Variants in LRP1B observed in about 807,000 individuals in gnomAD.
LRP1B encodes the protein LDL receptor related protein 1B.
Under a neutral mutation model 556.6 loss-of-function variants are expected in LRP1B, and 217 were observed. That is an observed-to-expected ratio of 0.39 (90% confidence interval 0.35 to 0.44). LRP1B has a LOEUF of 0.44. LRP1B is among the 20% of genes least tolerant of loss of function. The pLI is 1.00. For missense variants in LRP1B, 5,053 were observed against 5,620.8 expected (o/e 0.90, Z 3.23); for synonymous variants, 2,047 against 1,865.8 (o/e 1.10, Z -2.50).
chr2:141,509,156 C>A (rs1684033861), intron 2 of LRP1B, among the ~76,000 whole-genome samples: 1 of 152,112 alleles, frequency 6.6e-6, no homozygotes, highest in Admixed American at 6.6e-5. Flanking sequence ...GATACTTCCT[C>A]AAGCAAGAAA....
chr2:141,340,029 A>T (rs894402336), intron 3 of LRP1B, among the ~76,000 whole-genome samples: 1 of 152,160 alleles, frequency 6.6e-6, no homozygotes, highest in Admixed American at 6.6e-5. Context: ...AGTGAGAGAG[A>T]CATAGTTTAA....
intron 1 of LRP1B, among the ~76,000 whole-genome samples, chr2:141,970,890 C>G (rs1378332433): frequency 8.6e-5 from 13 of 151,546 alleles, no homozygotes; most frequent in Non-Finnish European, 3.0e-5. Context: ...TGACCACAGT[C>G]TTTTTCTGCT....
At chr2:141,044,897 T>A (rs1698820715) in intron 11 of LRP1B, among the ~76,000 whole-genome samples, 1 of 151,546 alleles carries the variant, frequency 6.6e-6, no homozygotes, top group Admixed American at 6.6e-5. Context: ...AAATACCATT[T>A]GACCCAGCCA....
chr2:140,965,089 T>C (rs1227681541), intron 18 of LRP1B, among the ~76,000 whole-genome samples: 1 of 152,212 alleles, frequency 6.6e-6, no homozygotes, highest in Non-Finnish European at 1.5e-5. Flanking sequence ...GAACAGGTTT[T>C]AAAAATTACC....
chr2:141,620,729 T>C (rs1331114531), intron 2 of LRP1B, among the ~76,000 whole-genome samples: 1 of 152,128 alleles, frequency 6.6e-6, no homozygotes, highest in African/African-American at 2.4e-5. Flanking sequence ...TCTCTGACTC[T>C]GTTTTTACCA....
chr2:141,347,319 T>C (rs1486180174), intron 3 of LRP1B, among the ~76,000 whole-genome samples: 1 of 151,924 alleles, frequency 6.6e-6, no homozygotes, highest in Non-Finnish European at 1.5e-5. Flanking sequence ...ACAAAAAAAA[T>C]CAATAGAAAT....
chr2:141,980,362 A>G (rs1438344726), intron 1 of LRP1B, among the ~76,000 whole-genome samples: 3 of 152,152 alleles, frequency 2.0e-5, no homozygotes, highest in Non-Finnish European at 4.4e-5. Flanking sequence ...GCTTTGCACA[A>G]TTACGTGGGT....
At chr2:140,459,637 G>A (rs1687236408) in intron 60 of LRP1B, among the ~76,000 whole-genome samples, 1 of 152,170 alleles carries the variant, frequency 6.6e-6, no homozygotes, top group African/African-American at 2.4e-5. Context: ...GCCAGCGGGA[G>A]AGGCAATTTA....
chr2:141,928,141 C>T (rs968993829), intron 1 of LRP1B, among the ~76,000 whole-genome samples: 1 of 152,134 alleles, frequency 6.6e-6, no homozygotes, highest in African/African-American at 2.4e-5. Flanking sequence ...TGCAGCAGCC[C>T]AAACATGCCC....
chr2:140,256,921 G>A (rs1681721329), intron 86 of LRP1B, among the ~76,000 whole-genome samples: 1 of 151,698 alleles, frequency 6.6e-6, no homozygotes, highest in Admixed American at 6.6e-5. Flanking sequence ...AATTTAAAAA[G>A]TGTATATGGC....
intron 1 of LRP1B, among the ~76,000 whole-genome samples, chr2:142,070,532 C>A (rs1260023039): frequency 6.6e-6 from 1 of 151,864 alleles, no homozygotes; most frequent in Non-Finnish European, 1.5e-5. Flanking sequence ...ATCCAACCAG[C>A]ACCTGGACTC....
intron 1 of LRP1B, among the ~76,000 whole-genome samples, chr2:142,076,232 A>G (rs1223331847): frequency 6.6e-6 from 1 of 152,120 alleles, no homozygotes; most frequent in Non-Finnish European, 1.5e-5. Context: ...GATGTGGACC[A>G]CAATATGTTC....
intron 32 of LRP1B, 65 bp downstream of exon 32, chr2:140,813,592 C>A (rs2105035601): frequency 2.8e-6 from 4 of 1,438,716 alleles, no homozygotes; most frequent in Non-Finnish European, 2.9e-6. Context: ...AAGCTTTTAA[C>A]AGGTCATAAT....
At chr2:141,123,212 A>G (rs10928096) in intron 7 of LRP1B, among the ~76,000 whole-genome samples, 41,823 of 147,778 alleles carry the variant, frequency 0.28, 6,117 homozygotes, top group East Asian at 0.47. Flanking sequence ...TGCACATTGT[A>G]CACATGTACC....
chr2:140,382,183 T>TA (rs1573870489), intron 67 of LRP1B, among the ~76,000 whole-genome samples: 1 of 152,296 alleles, frequency 6.6e-6, no homozygotes, highest in East Asian at 1.9e-4. Context: ...AGAATACAAT[T>TA]AGTATAACTT....
At chr2:141,931,103 T>C (rs1265117019) in intron 1 of LRP1B, among the ~76,000 whole-genome samples, 1 of 152,068 alleles carries the variant, frequency 6.6e-6, no homozygotes. Context: ...TTAGAATACA[T>C]ACACATTCTA....
chr2:141,056,624 T>C (rs2105458630), intron 9 of LRP1B, among the ~76,000 whole-genome samples: 1 of 152,014 alleles, frequency 6.6e-6, no homozygotes, highest in East Asian at 2.0e-4. Context: ...AGTCTCTTCT[T>C]TTGGTTTTTC....
chr2:141,965,618 G>C (rs1395949925), intron 1 of LRP1B, among the ~76,000 whole-genome samples: 43 of 95,680 alleles, frequency 4.5e-4, no homozygotes, highest in African/African-American at 1.7e-3. Flanking sequence ...AGGGGGGAGG[G>C]ATAGCATTGG....
chr2:142,030,470 C>G (rs1703653711), intron 1 of LRP1B, among the ~76,000 whole-genome samples: 1 of 151,796 alleles, frequency 6.6e-6, no homozygotes. Flanking sequence ...CCCTAGAATA[C>G]TTTCACAATT....
Sources: allele counts gnomAD v4.1 joint callset (sites outside exome capture counted in the v4.1 genomes callset), GRCh38; gene constraint gnomAD v4.1.1; transcripts MANE v1.5; gene names NCBI Gene and HGNC (gene_info 2026-07-23, HGNC 2026-07-21).